PCDH9: variants seen among roughly 807,000 people sequenced by gnomAD.
PCDH9 encodes the protein protocadherin-9.
Under a neutral mutation model 70.6 loss-of-function variants are expected in PCDH9, and 24 were observed. That is an observed-to-expected ratio of 0.34 (90% CI 0.25 to 0.48). The LOEUF (loss-of-function observed/expected upper bound fraction) is 0.48. Ranked by LOEUF, PCDH9 falls within the 20% of genes least tolerant of loss-of-function variation. PCDH9 has a pLI of 0.99. For synonymous variants in PCDH9, 562 were observed against 558.5 expected (o/e 1.01, Z -0.09); for missense variants, 1,281 against 1,503.6 (o/e 0.85, Z 2.45).
chr13:67,110,509 C>T (rs548076244), intron 2 of PCDH9, among the ~76,000 whole-genome samples: 6 of 88,264 alleles, frequency 6.8e-5, no homozygotes, highest in African/African-American at 3.1e-4. Context: ...GACTCCACTC[C>T]ATCTCAAAAA....
chr13:66,384,396 G>A lies in PCDH9; in HGVS notation c.3341-79368C>T, dbSNP rs1027508925. Among the ~76,000 whole-genome samples, 7 of 151,986 alleles carry A rather than the reference G, an allele frequency of 4.6e-5. No individual in the cohort carries two copies. The South Asian group carries it at 1.2e-3, about 27-fold the overall frequency. ...TGATGAATGTTAAACTGTTTTTGTT[G>A]TTCTATCAGAAAAAAAATTATTGCA... On this transcript the variant is annotated intron_variant, in intron 4 of 4. Transcript: ENST00000377865.
chr13:66,339,467 C>T (rs1218494311), intron 4 of PCDH9, among the ~76,000 whole-genome samples: 1 of 152,048 alleles, frequency 6.6e-6, no homozygotes, highest in Non-Finnish European at 1.5e-5. Flanking sequence ...CTCTGGCATT[C>T]TGACTACATT....
intron 3 of PCDH9, among the ~76,000 whole-genome samples, chr13:66,789,693 G>T (rs1376165839): frequency 6.6e-6 from 1 of 151,988 alleles, no homozygotes; most frequent in Non-Finnish European, 1.5e-5. Context: ...TTTATGCTCT[G>T]TTGGTCTTAC....
chr13:67,077,844 A>C (rs1485759803), intron 2 of PCDH9, among the ~76,000 whole-genome samples: 1 of 152,094 alleles, frequency 6.6e-6, no homozygotes. Flanking sequence ...TGCAGCCAAC[A>C]TGCCCACATT....
intron 4 of PCDH9, among the ~76,000 whole-genome samples, chr13:66,556,209 C>G (rs1198108062): frequency 1.3e-5 from 2 of 151,774 alleles, no homozygotes; most frequent in African/African-American, 4.8e-5. Flanking sequence ...TGTTTTTTGA[C>G]TCCATATTTT....
intron 2 of PCDH9, among the ~76,000 whole-genome samples, chr13:67,127,560 C>G (rs1404505929): frequency 1.3e-5 from 2 of 151,668 alleles, no homozygotes; most frequent in African/African-American, 4.8e-5. Flanking sequence ...TGCACTACAA[C>G]AGAACAAAGG....
At chr13:66,971,051 T>C (rs765735850) in intron 2 of PCDH9, among the ~76,000 whole-genome samples, 3 of 151,966 alleles carry the variant, frequency 2.0e-5, no homozygotes, top group Admixed American at 2.0e-4. Flanking sequence ...TGAGCTCAGC[T>C]TTCTAACCAC....
chr13:66,317,388 A>G (rs1955673388), intron 4 of PCDH9, among the ~76,000 whole-genome samples: 1 of 152,192 alleles, frequency 6.6e-6, no homozygotes, highest in African/African-American at 2.4e-5. Context: ...TTTTAATAAT[A>G]TTTGGAATGT....
chr13:66,461,573 C>T (rs1958426361), intron 4 of PCDH9, among the ~76,000 whole-genome samples: 1 of 150,926 alleles, frequency 6.6e-6, no homozygotes, highest in South Asian at 2.1e-4. Context: ...AATCATGCCT[C>T]ACGTAGATTG....
chr13:66,936,434 A>AT (rs959844522), intron 2 of PCDH9, among the ~76,000 whole-genome samples: 7 of 152,164 alleles, frequency 4.6e-5, no homozygotes, highest in African/African-American at 1.7e-4. Context: ...GAAAGTTTTA[A>AT]TTTTTTTAAA....
At chr13:67,172,791 T>C (rs1272607833) in intron 2 of PCDH9, among the ~76,000 whole-genome samples, 1 of 150,832 alleles carries the variant, frequency 6.6e-6, no homozygotes, top group East Asian at 2.0e-4. Flanking sequence ...GGCAGGAGAA[T>C]TGCTTGAGCC....
chr13:67,076,572 T>G (rs1433281760), intron 2 of PCDH9, among the ~76,000 whole-genome samples: 1 of 152,154 alleles, frequency 6.6e-6, no homozygotes, highest in Non-Finnish European at 1.5e-5. Context: ...ATGTGGGCTC[T>G]CTGTCAGGAA....
At chr13:66,353,130 C>T (rs895654988) in intron 4 of PCDH9, among the ~76,000 whole-genome samples, 2 of 152,154 alleles carry the variant, frequency 1.3e-5, no homozygotes, top group Non-Finnish European at 1.5e-5. Flanking sequence ...TTACCTTCCC[C>T]TCTTTTGATT....
intron 3 of PCDH9, among the ~76,000 whole-genome samples, chr13:66,827,582 A>T (rs2080848012): frequency 6.6e-6 from 1 of 152,100 alleles, no homozygotes; most frequent in Non-Finnish European, 1.5e-5. Context: ...TTGAAGGTGG[A>T]GTTGGCAGGA....
intron 4 of PCDH9, among the ~76,000 whole-genome samples, chr13:66,620,499 A>C (rs2077409144): frequency 6.6e-6 from 1 of 152,174 alleles, no homozygotes; most frequent in Non-Finnish European, 1.5e-5. Context: ...ATACACACAC[A>C]GACTTTACTT....
At chr13:67,175,155 T>A (rs2088416505) in intron 2 of PCDH9, among the ~76,000 whole-genome samples, 1 of 151,798 alleles carries the variant, frequency 6.6e-6, no homozygotes, top group African/African-American at 2.4e-5. Flanking sequence ...AAATAAAAAA[T>A]GTTTTTAAGG....
chr13:66,514,235 G>A lies in PCDH9; in HGVS notation c.3340+116975C>T, dbSNP rs533933720. 3.9e-5 allele frequency among the ~76,000 whole-genome samples: 6 copies of A among 152,144 alleles called. No individual in the cohort carries two copies. The South Asian group carries it at 8.3e-4, about 21-fold the overall frequency. ...CCTAAATTGATTTTGCTAAGACGTC[G>A]CTGCCTGGCATATCCCAAGTCCCTA... On this transcript the variant is annotated intron_variant, in intron 4 of 4. Coordinates refer to ENST00000377865, the MANE Select transcript of PCDH9 (RefSeq NM_203487.3).
intron 3 of PCDH9, among the ~76,000 whole-genome samples, chr13:66,738,873 C>T (rs1339894868): frequency 4.7e-5 from 7 of 149,568 alleles, no homozygotes; most frequent in Non-Finnish European, 1.0e-4. Context: ...GATTGGTGTA[C>T]CTGAAAGTGA....
At chr13:66,422,636 T>A (rs1467531843) in intron 4 of PCDH9, among the ~76,000 whole-genome samples, 1 of 152,166 alleles carries the variant, frequency 6.6e-6, no homozygotes, top group African/African-American at 2.4e-5. Context: ...TTCCAGAATC[T>A]CTGGCACACA....
Sources: allele counts gnomAD v4.1 joint callset (sites outside exome capture counted in the v4.1 genomes callset), GRCh38; gene constraint gnomAD v4.1.1; transcripts MANE v1.5; gene names NCBI Gene and HGNC (gene_info 2026-07-23, HGNC 2026-07-21).